RAB11FIP3: variants seen among roughly 807,000 people sequenced by gnomAD.
RAB11FIP3 encodes RAB11 family interacting protein 3.
A neutral mutation model predicts 77.8 loss-of-function variants in RAB11FIP3; 17 were observed. The ratio of observed to expected loss-of-function variants is 0.22; its 90% confidence interval spans 0.15 to 0.33. The LOEUF (loss-of-function observed/expected upper bound fraction) is 0.33, where lower values mean the gene tolerates loss of function less well. Among genes scored for constraint, RAB11FIP3 ranks in the 10% least tolerant of loss-of-function variants. RAB11FIP3 has a pLI of 1.00. For synonymous variants in RAB11FIP3, 437 were observed against 448.2 expected (o/e 0.98, Z 0.31); for missense variants, 1,005 against 1,011.2 (o/e 0.99, Z 0.08).
At chr16:475,447 G>GT (rs2055885281) in intron 3 of RAB11FIP3, among the ~76,000 whole-genome samples, 1 of 152,230 alleles carries the variant, frequency 6.6e-6, no homozygotes, top group South Asian at 2.1e-4. Context: ...GCCGGGGCCG[G>GT]TGTGAGCTGT....
chr16:480,286 C>CAAAAAAAAGAAAAAGAA (rs752259728), intron 3 of RAB11FIP3, among the ~76,000 whole-genome samples: 3 of 80,024 alleles, frequency 3.7e-5, no homozygotes, highest in African/African-American at 1.4e-4. Flanking sequence ...ACTCCTTCTC[C>CAAAAAAAAGAAAAAGAA]AAAAAAAAAA....
Position 522,686 on chromosome 16 carries a change from C to G in RAB11FIP3, c.*1847C>G, listed in dbSNP as rs966457218. ...CTCCAGGCCCAGTGGAGCCTGGCAGCTTTCCAGCCAGGTTCTGGATCCTGA... is the reference window on the plus strand; with the variant it reads ...CTCCAGGCCCAGTGGAGCCTGGCAGGTTTCCAGCCAGGTTCTGGATCCTGA... On this transcript the variant is annotated 3_prime_UTR_variant, in exon 14 of 14. Coordinates refer to ENST00000262305, the MANE Select transcript of RAB11FIP3 (RefSeq NM_014700.4). The G allele has an allele frequency of 2.0e-5, 3 of 152,348 alleles. No homozygotes were observed. The highest frequency in any genetic ancestry group is 7.2e-5 in the African/African-American group (3 of 41,474). 9.4% of individuals were successfully genotyped at this position (152,348 alleles called of 1,614,324 possible). A position where few individuals can be genotyped will look rare whatever the true frequency, so the allele number is the denominator to read the frequency against.
intron 6 of RAB11FIP3, among the ~76,000 whole-genome samples, chr16:500,141 G>A (rs2031410854): frequency 6.6e-6 from 1 of 152,228 alleles, no homozygotes; most frequent in South Asian, 2.1e-4. Context: ...AGCTGTGTGT[G>A]CAGAGACCGG....
At chr16:497,151 G>T (rs1362782958) in intron 6 of RAB11FIP3, 1 of 725,674 alleles carries the variant, frequency 1.4e-6, no homozygotes, top group Non-Finnish European at 2.0e-6. Flanking sequence ...CCAGATGTCT[G>T]CTCTATGTTA....
At chr16:442,503 G>A (rs2055244686) in intron 1 of RAB11FIP3, among the ~76,000 whole-genome samples, 1 of 152,200 alleles carries the variant, frequency 6.6e-6, no homozygotes, top group Non-Finnish European at 1.5e-5. Flanking sequence ...CTCCTTTCTG[G>A]TCTTCCTCCC....
chr16:520,232 C>T lies in RAB11FIP3; in HGVS notation c.1971C>T (p.Arg657=), dbSNP rs1359153320. 3.2e-6 allele frequency: 5 copies of T among 1,545,886 alleles called. No individual in the cohort carries two copies. The highest frequency in any genetic ancestry group is 2.0e-5 in the Admixed American group (1 of 51,220). ...SSMGLQEYHS[R]ARESELEQEV... is the part of the protein sequence containing the mutation. Reference sequence around the variant, plus strand: ...TGGGCCTGCAGGAGTACCACAGCCGCGCCCGGGAGAGCGAGCTGGAGCAGG... The same window carrying T: ...TGGGCCTGCAGGAGTACCACAGCCGTGCCCGGGAGAGCGAGCTGGAGCAGG... Residue 657 remains arginine (R), a synonymous_variant, in exon 12 of 14, where the codon CGC becomes CGT. Coordinates refer to ENST00000262305, the MANE Select transcript of RAB11FIP3 (RefSeq NM_014700.4).
chr16:492,458 CCGGGG>C lies in RAB11FIP3; in HGVS notation c.1265+3459_1265+3463del, dbSNP rs1567392353. On this transcript the variant is annotated intron_variant, in intron 5 of 13. Coordinates refer to ENST00000262305, the MANE Select transcript of RAB11FIP3 (RefSeq NM_014700.4). The stretch of plus-strand genomic sequence containing the variant: ...GACCCGAGGCCGCCCAGGGCCCTTC[CCGGGG>C]AGACCCGAGGCCGCCCAGGGCCCTC... Among the ~76,000 whole-genome samples the C allele has an allele frequency of 2.4e-4, 18 of 74,480 alleles. 1 individual carries two copies. The highest frequency in any genetic ancestry group is 5.7e-4 in the Admixed American group (4 of 7,002). The allele number at this position is 74,480 out of a possible 152,430, so 48.9% of individuals were successfully genotyped here.
chr16:510,108 C>T (rs2032064325), intron 8 of RAB11FIP3, among the ~76,000 whole-genome samples: 1 of 146,344 alleles, frequency 6.8e-6, no homozygotes, highest in Non-Finnish European at 1.5e-5. Context: ...CGTCCCGAGT[C>T]CCCGTGCCTC....
chr16:426,667 T>G lies in RAB11FIP3; in HGVS notation c.661T>G (p.Phe221Val). 6.4e-7 allele frequency: 1 copy of G among 1,554,324 alleles called. No individual in the cohort carries two copies. Among genetic ancestry groups the G allele is most frequent in the Non-Finnish European group, 8.7e-7 (1 of 1,151,748 alleles). Residue 221 changes from phenylalanine (F) to valine (V), a missense_variant, in exon 1 of 14, where the codon TTC (phenylalanine) becomes GTC (valine). By Grantham distance (50) the Phe-to-Val change is conservative. Around this residue, in one of 4 missense-constraint regions of RAB11FIP3, gnomAD observed 466 missense variants for 408.3 expected, o/e 1.14. Coordinates refer to ENST00000262305, the MANE Select transcript of RAB11FIP3 (RefSeq NM_014700.4). The surrounding 1 kb of genome is among the most constrained non-coding windows in gnomAD (Gnocchi z 5.0). ...TGCCCTGGACGGGGATGGGGACGGT[T>G]TCGTCCGCATCGAGGACTTCATCCA... ...FDALDGDGDG[F>V]VRIEDFIQFA...
intron 4 of RAB11FIP3, among the ~76,000 whole-genome samples, chr16:485,158 C>G (rs2056128845): frequency 6.6e-6 from 1 of 152,110 alleles, no homozygotes. Context: ...AACTGCTCAG[C>G]CCGGCTGTTG....
chr16:429,334 A>G (rs1307542420), intron 1 of RAB11FIP3, among the ~76,000 whole-genome samples: 1 of 152,006 alleles, frequency 6.6e-6, no homozygotes, highest in Non-Finnish European at 1.5e-5. Context: ...GACATTAATG[A>G]TTTTTTTAAA....
At chr16:484,604 C>A (rs1036084538) in intron 4 of RAB11FIP3, among the ~76,000 whole-genome samples, 1 of 152,184 alleles carries the variant, frequency 6.6e-6, no homozygotes, top group Non-Finnish European at 1.5e-5. Flanking sequence ...CCGCCCGCCT[C>A]GGCCTCCCGA....
chr16:461,440 C>T lies in RAB11FIP3; in HGVS notation c.751C>T (p.Leu251Phe). Reference sequence around the variant, plus strand: ...AACTAAGTACTTGGATCCCAGTGGGCTCGGCGTGATCAGCTTTGAAGACTT... The same window carrying T: ...AACTAAGTACTTGGATCCCAGTGGGTTCGGCGTGATCAGCTTTGAAGACTT... Reference protein sequence around the residue: ...DLTKYLDPSGLGVISFEDFYQ... With the variant: ...DLTKYLDPSGFGVISFEDFYQ... The change falls in exon 2 of 14, where the codon CTC becomes TTC. Residue 251 changes from leucine to phenylalanine, a missense_variant. Physicochemically the swap from Leu to Phe is conservative, Grantham distance 22. Coordinates refer to ENST00000262305, the MANE Select transcript of RAB11FIP3 (RefSeq NM_014700.4). The surrounding 1 kb of genome is among the most constrained non-coding windows in gnomAD (Gnocchi z 4.5). The T allele has an allele frequency of 6.2e-7, 1 of 1,614,050 alleles. No individual in the cohort carries two copies.
At chr16:488,255 C>T (rs2056198496) in intron 4 of RAB11FIP3, among the ~76,000 whole-genome samples, 1 of 152,076 alleles carries the variant, frequency 6.6e-6, no homozygotes, top group African/African-American at 2.4e-5. Flanking sequence ...TGGCGGGCGC[C>T]TGTAGTCCCA....
At chr16:489,148 A>C in intron 5 of RAB11FIP3, 148 bp downstream of exon 5, 1 of 935,456 alleles carries the variant, frequency 1.1e-6, no homozygotes, top group Non-Finnish European at 1.5e-6. Context: ...AACATTTTAA[A>C]TTTATACCTG....
In RAB11FIP3 at chr16:490,105, A is replaced by G. The variant is rs1228401199; in HGVS notation, c.1265+1105A>G. ...TTTAGTTTGTCCCTGTCTCCTGTTC[A>G]GTGTTTTCATTGTTACCTGTTTGAA... On this transcript the variant is annotated intron_variant, in intron 5 of 13. Transcript: ENST00000262305. Among the ~76,000 whole-genome samples the G allele has an allele frequency of 4.6e-5, 7 of 152,320 alleles. No individual in the cohort carries two copies. The East Asian group carries it at 1.4e-3, about 29-fold the overall frequency.
At chr16:462,077 C>A (rs2055616348) in intron 2 of RAB11FIP3, among the ~76,000 whole-genome samples, 2 of 152,384 alleles carry the variant, frequency 1.3e-5, no homozygotes, top group Admixed American at 1.3e-4. Flanking sequence ...TGAGCTCCGA[C>A]AGAGTCCTGT....
intron 13 of RAB11FIP3, 31 bp downstream of exon 13, chr16:520,630 C>T: frequency 6.2e-7 from 1 of 1,611,130 alleles, no homozygotes; most frequent in Non-Finnish European, 8.5e-7. Flanking sequence ...ACGGTGTGGC[C>T]TGGGGTCCAC....
intron 6 of RAB11FIP3, among the ~76,000 whole-genome samples, chr16:497,952 A>T (rs1280065091): frequency 4.0e-5 from 6 of 150,146 alleles, no homozygotes; most frequent in African/African-American, 1.5e-4. Flanking sequence ...AAAAAAAAAA[A>T]AAATTAAAAA....
Sources: allele counts gnomAD v4.1 joint callset (sites outside exome capture counted in the v4.1 genomes callset), GRCh38; gene constraint gnomAD v4.1.1; regional missense constraint gnomAD v4.1.1; non-coding constraint Gnocchi (gnomAD v3.1); transcripts MANE v1.5; gene names NCBI Gene and HGNC (gene_info 2026-07-23, HGNC 2026-07-21).